AFF3: variants seen among roughly 807,000 people sequenced by gnomAD.
AFF3 encodes ALF transcription elongation factor 3, also known as AF4/FMR2 family member 3.
A neutral mutation model predicts 129.7 loss-of-function variants in AFF3; 32 were observed. That is an observed-to-expected ratio of 0.25 (90% CI 0.19 to 0.33). AFF3 has a LOEUF of 0.33. Ranked by LOEUF, AFF3 falls within the 10% of genes least tolerant of loss-of-function variation. AFF3 has a pLI of 1.00. For synonymous variants in AFF3, 644 were observed against 635.4 expected (o/e 1.01, Z -0.20); for missense variants, 1,373 against 1,592.0 (o/e 0.86, Z 2.34).
At chr2:99,568,561 G>T (rs1449461768) in intron 19 of AFF3, among the ~76,000 whole-genome samples, 4 of 151,734 alleles carry the variant, frequency 2.6e-5, no homozygotes, top group Non-Finnish European at 5.9e-5. Flanking sequence ...ACTTTTTAAA[G>T]GAAAAAAAAA....
chr2:99,653,575 G>T (rs1270239825), intron 12 of AFF3, among the ~76,000 whole-genome samples: 1 of 152,210 alleles, frequency 6.6e-6, no homozygotes, highest in Non-Finnish European at 1.5e-5. Flanking sequence ...GCCGCCAATG[G>T]AGTGCCTAGG....
intron 8 of AFF3, among the ~76,000 whole-genome samples, chr2:99,757,419 T>G (rs1682203463): frequency 1.3e-5 from 2 of 152,236 alleles, no homozygotes; most frequent in Non-Finnish European, 2.9e-5. Flanking sequence ...TTATGCCAGA[T>G]TCCTTCTCTT....
In AFF3 at chr2:99,727,108, C is replaced by G; in HGVS notation, c.1060G>C (p.Glu354Gln). 1 of 1,611,080 alleles carries G rather than the reference C, an allele frequency of 6.2e-7. No individual in the cohort carries two copies. Among genetic ancestry groups the G allele is most frequent in the Middle Eastern group, 1.7e-4 (1 of 6,056 alleles). ...TTCGATGTGCCATTGTCTGGACTCT[C>G]TGGCTCTGCATCACCTTTCTCTTAA... ...NNPKKGDAEP[E>Q]SPDNGTSNTS... The change falls in exon 11 of 25, where the codon GAG becomes CAG. Residue 354 changes from glutamate (E) to glutamine (Q), a missense_variant. By Grantham distance (29) the Glu-to-Gln change is conservative. This residue lies in a region of AFF3 where 413 missense variants were observed against 424.4 expected (regional missense o/e 0.97). Coordinates refer to ENST00000672756, the MANE Select transcript of AFF3 (RefSeq NM_001386135.1).
At chr2:99,891,849 G>C (rs943847997) in intron 7 of AFF3, among the ~76,000 whole-genome samples, 1 of 150,590 alleles carries the variant, frequency 6.6e-6, no homozygotes, top group Non-Finnish European at 1.5e-5. Flanking sequence ...TTGAGACAGA[G>C]TCTCGCTCTG....
chr2:99,908,889 A>G (rs1694914426), intron 7 of AFF3, among the ~76,000 whole-genome samples: 1 of 152,220 alleles, frequency 6.6e-6, no homozygotes. Flanking sequence ...ACTGTAAACT[A>G]GTTCAACCAT....
intron 7 of AFF3, among the ~76,000 whole-genome samples, chr2:99,849,437 G>C (rs1333734449): frequency 6.6e-6 from 1 of 152,082 alleles, no homozygotes; most frequent in Non-Finnish European, 1.5e-5. Flanking sequence ...CAGGAACATG[G>C]ACCTTTGCAA....
chr2:99,578,172 C>T (rs925421918), intron 18 of AFF3, among the ~76,000 whole-genome samples, 155 bp downstream of exon 18: 3 of 152,190 alleles, frequency 2.0e-5, no homozygotes, highest in South Asian at 2.1e-4. Flanking sequence ...GGCTCCAATT[C>T]CATTCAAGAG....
chr2:100,080,439 A>G (rs1688958394), intron 4 of AFF3, among the ~76,000 whole-genome samples: 1 of 146,888 alleles, frequency 6.8e-6, no homozygotes. Context: ...AACTAAAAAC[A>G]AACAAACAAA....
chr2:99,638,933 C>A (rs1397475840), intron 13 of AFF3, among the ~76,000 whole-genome samples: 3 of 152,312 alleles, frequency 2.0e-5, no homozygotes, highest in African/African-American at 7.2e-5. Flanking sequence ...GATCAAGTCA[C>A]CCCATGTGTT....
intron 10 of AFF3, among the ~76,000 whole-genome samples, chr2:99,741,321 C>T (rs1341656557): frequency 6.6e-6 from 1 of 152,072 alleles, no homozygotes; most frequent in Non-Finnish European, 1.5e-5. Context: ...TAGAAAACCC[C>T]ATTGTCTCAG....
chr2:99,586,822 T>C (rs897920283), intron 16 of AFF3, among the ~76,000 whole-genome samples: 6 of 152,228 alleles, frequency 3.9e-5, no homozygotes, highest in African/African-American at 7.2e-5. Flanking sequence ...CTTAGTGTTC[T>C]TAGGAGTTTA....
intron 7 of AFF3, among the ~76,000 whole-genome samples, chr2:99,938,431 T>TTGATGA (rs1674722053): frequency 3.4e-5 from 5 of 147,316 alleles, no homozygotes; most frequent in African/African-American, 1.3e-4. Context: ...TGACACACAG[T>TTGATGA]CGATGATGAT....
intron 7 of AFF3, among the ~76,000 whole-genome samples, chr2:99,957,661 T>C (rs1044068080): frequency 6.6e-6 from 1 of 152,210 alleles, no homozygotes; most frequent in African/African-American, 2.4e-5. Context: ...ACTAGTGCTG[T>C]CTGTGACAGA....
At chr2:99,606,915 C>CAAAAAAAA (rs10680840) in intron 13 of AFF3, among the ~76,000 whole-genome samples, 1 of 62,186 alleles carries the variant, frequency 1.6e-5, no homozygotes, top group African/African-American at 6.7e-5. Context: ...CTCCGTCTCA[C>CAAAAAAAA]AAAAAAAAAA....
At chr2:100,031,203 G>A (rs1684460774) in intron 4 of AFF3, among the ~76,000 whole-genome samples, 1 of 152,146 alleles carries the variant, frequency 6.6e-6, no homozygotes, top group Non-Finnish European at 1.5e-5. Flanking sequence ...TGGAAGTACA[G>A]GATGATAATG....
intron 7 of AFF3, among the ~76,000 whole-genome samples, chr2:99,895,004 G>A (rs1435854644): frequency 6.6e-6 from 1 of 152,156 alleles, no homozygotes; most frequent in African/African-American, 2.4e-5. Context: ...CATTTCTCGA[G>A]GCCTTTTCAT....
At chr2:99,789,446 CAA>C (rs34653301) in intron 8 of AFF3, among the ~76,000 whole-genome samples, 2 of 62,056 alleles carry the variant, frequency 3.2e-5, no homozygotes, top group Non-Finnish European at 5.5e-5. Flanking sequence ...GCCCTGTCAC[CAA>C]AAAAAAAAAA....
At chr2:99,845,672 G>A (rs189308381) in intron 7 of AFF3, among the ~76,000 whole-genome samples, 104 of 152,156 alleles carry the variant, frequency 6.8e-4, no homozygotes, top group Admixed American at 1.2e-3. Flanking sequence ...AAAACCCTAC[G>A]TCGTTAATTT....
chr2:99,631,432 T>C (rs1306656429), intron 13 of AFF3, among the ~76,000 whole-genome samples: 1 of 152,216 alleles, frequency 6.6e-6, no homozygotes, highest in African/African-American at 2.4e-5. Flanking sequence ...TGTACAACCA[T>C]CACCAACACC....
Sources: allele counts gnomAD v4.1 joint callset (sites outside exome capture counted in the v4.1 genomes callset), GRCh38; gene constraint gnomAD v4.1.1; regional missense constraint gnomAD v4.1.1; transcripts MANE v1.5; gene names NCBI Gene and HGNC (gene_info 2026-07-23, HGNC 2026-07-21).